Variants in TMED1 observed in about 807,000 individuals in gnomAD.
TMED1 encodes the protein transmembrane p24 trafficking protein 1, also known as transmembrane emp24 domain-containing protein 1.
A neutral mutation model predicts 21.2 loss-of-function variants in TMED1; 20 were observed. The observed-to-expected ratio is 0.95, with a 90% CI of 0.67 to 1.37. TMED1 has a LOEUF of 1.37. Ranked by LOEUF, TMED1 falls within the 40% of genes most tolerant of loss-of-function variation. The pLI is 0.00. For missense variants in TMED1, 316 were observed against 309.8 expected (o/e 1.02, Z -0.15); for synonymous variants, 149 against 134.7 (o/e 1.11, Z -0.74).
chr19:10,833,025 G>A lies in TMED1; in HGVS notation c.654C>T (p.Phe218=). Residue 218 remains phenylalanine, a synonymous_variant, in exon 4 of 4, where the codon TTC becomes TTT. Transcript: ENST00000214869. ...AVLQVCTLKR[F]FQDKRPVPT is the part of the protein sequence containing the mutation. Reference sequence around the variant, plus strand: ...TGGGCACCGGGCGCTTGTCCTGGAAGAAGCGCTTGAGCGTGCAGACCTGCA... The same window carrying A: ...TGGGCACCGGGCGCTTGTCCTGGAAAAAGCGCTTGAGCGTGCAGACCTGCA... 2.5e-6 allele frequency: 4 copies of A among 1,613,654 alleles called. No homozygotes were observed. Among genetic ancestry groups the A allele is most frequent in the Non-Finnish European group, 2.5e-6 (3 of 1,180,038 alleles).
At chr19:10,835,651 C>T in intron 1 of TMED1, 1 of 1,404,612 alleles carries the variant, frequency 7.1e-7, no homozygotes, top group Non-Finnish European at 9.3e-7. Context: ...ATAGGCCCAG[C>T]CTTTTTCCTT....
intron 1 of TMED1, 88 bp downstream of exon 1, chr19:10,835,921 C>A: frequency 1.4e-6 from 2 of 1,470,098 alleles, no homozygotes; most frequent in Non-Finnish European, 1.8e-6. Flanking sequence ...GATTCCTCCC[C>A]CTTCCTCCTA....
chr19:10,835,202 C>A, intron 2 of TMED1, 54 bp downstream of exon 2: 1 of 1,612,654 alleles, frequency 6.2e-7, no homozygotes, highest in South Asian at 1.1e-5. Flanking sequence ...CTGAGGCCGC[C>A]TGGGAAGGGC....
Position 10,832,235 on chromosome 19 carries a change from G to A in TMED1, c.*760C>T. 8.0e-7 allele frequency: 1 copy of A among 1,255,974 alleles called. No homozygotes were observed. The highest frequency in any genetic ancestry group is 1.0e-6 in the Non-Finnish European group (1 of 958,104). The allele number at this position is 1,255,974 out of a possible 1,614,324, so 77.8% of individuals were successfully genotyped here. On this transcript the variant is annotated 3_prime_UTR_variant, in exon 4 of 4. Coordinates refer to ENST00000214869, the MANE Select transcript of TMED1 (RefSeq NM_006858.4). ...GGCCCTGCTTCTCTCACCTCGTGGGGAAGCCCAAGCCTCGTGGCCCAACTG... is the reference window on the plus strand; with the variant it reads ...GGCCCTGCTTCTCTCACCTCGTGGGAAAGCCCAAGCCTCGTGGCCCAACTG...
intron 3 of TMED1, among the ~76,000 whole-genome samples, chr19:10,834,063 G>A (rs955259530): frequency 6.6e-6 from 1 of 152,204 alleles, no homozygotes; most frequent in African/African-American, 2.4e-5. Context: ...AGGAGGCTGA[G>A]GCAGGAGAAT....
At chr19:10,833,329 A>T (rs1479877780) in intron 3 of TMED1, 116 bp from the exon 4 acceptor site, 1 of 822,454 alleles carries the variant, frequency 1.2e-6, no homozygotes, top group Non-Finnish European at 1.9e-6. Flanking sequence ...GTACAGCTGC[A>T]AACACAGACT....
intron 1 of TMED1, 32 bp downstream of exon 1, chr19:10,835,977 C>G (rs368926298): frequency 6.5e-7 from 1 of 1,546,442 alleles, no homozygotes; most frequent in Admixed American, 2.0e-5. Flanking sequence ...CTCTCCCTGA[C>G]TCTGCTGGCC....
At position 10,832,883 on chromosome 19, in the gene TMED1, A is replaced by G. The variant is rs1402435625; in HGVS notation, c.*112T>C. On this transcript the variant is annotated 3_prime_UTR_variant, in exon 4 of 4. Coordinates refer to ENST00000214869, the MANE Select transcript of TMED1 (RefSeq NM_006858.4). ...TCATGGGGCCAGACCGCAGGCCCTG[A>G]CTGCACACTCCCGTTTTGGCAGGAA... 1.6e-6 allele frequency: 2 copies of G among 1,241,150 alleles called. No individual in the cohort carries two copies. Among genetic ancestry groups the G allele is most frequent in the African/African-American group, 3.0e-5 (2 of 67,672 alleles). The allele number at this position is 1,241,150 out of a possible 1,614,324, so 76.9% of individuals were successfully genotyped here.
chr19:10,835,970 T>C (rs757767490), intron 1 of TMED1, 39 bp downstream of exon 1: 3 of 1,538,482 alleles, frequency 1.9e-6, no homozygotes, highest in East Asian at 2.4e-5. Context: ...ACGCCCCCTC[T>C]CCCTGACTCT....
At position 10,832,468 on chromosome 19, in the gene TMED1, A is replaced by G. The variant is rs1292964926; in HGVS notation, c.*527T>C. ...TTCTGACCATAATTTATTGACTCCA[A>G]TGCCCAGGCCACACCACCCTTTGTT... On this transcript the variant is annotated 3_prime_UTR_variant, in exon 4 of 4. Transcript: ENST00000214869. The G allele has an allele frequency of 9.5e-6, 8 of 838,064 alleles. No homozygotes were observed. Among genetic ancestry groups the G allele is most frequent in the African/African-American group, 7.1e-5 (4 of 56,580 alleles). 51.9% of individuals were successfully genotyped at this position (838,064 alleles called of 1,614,324 possible). A position where few individuals can be genotyped will look rare whatever the true frequency, so the allele number is the denominator to read the frequency against.
At chr19:10,834,771 G>A (rs531283118) in intron 3 of TMED1, 163 bp downstream of exon 3, 14 of 860,052 alleles carry the variant, frequency 1.6e-5, no homozygotes, top group East Asian at 1.3e-4. Flanking sequence ...GTGAGCCACC[G>A]TGCCCGGCCT....
At position 10,832,744 on chromosome 19, in the gene TMED1, G is replaced by A. The variant is rs902379525; in HGVS notation, c.*251C>T. ...AGGGGCCAGGAAATCCGAGGCTCAC[G>A]TTCCAACGCTGCAGTGCCCACCATG... On this transcript the variant is annotated 3_prime_UTR_variant, in exon 4 of 4. Coordinates refer to ENST00000214869, the MANE Select transcript of TMED1 (RefSeq NM_006858.4). 7 of 600,062 alleles carry A rather than the reference G, an allele frequency of 1.2e-5. No individual in the cohort carries two copies. The highest frequency in any genetic ancestry group is 6.2e-5 in the South Asian group (3 of 48,584). The allele number at this position is 600,062 out of a possible 1,614,324, so 37.2% of individuals were successfully genotyped here.
chr19:10,835,751 CCT>C, intron 1 of TMED1: 7 of 1,416,022 alleles, frequency 4.9e-6, no homozygotes, highest in Non-Finnish European at 6.4e-6. Flanking sequence ...AGAGTCCTGT[CCT>C]CTCAGAGGCT....
At chr19:10,835,814 C>G in intron 1 of TMED1, 195 bp downstream of exon 1, 1 of 983,920 alleles carries the variant, frequency 1.0e-6, no homozygotes, top group Non-Finnish European at 1.2e-6. Flanking sequence ...ACTCTAGCCC[C>G]GCCTGCTTCA....
In TMED1 at chr19:10,832,258, C is replaced by A. The variant is rs1467844474; in HGVS notation, c.*737G>T. The stretch of plus-strand genomic sequence containing the variant: ...GGGAAGCCCAAGCCTCGTGGCCCAA[C>A]TGGGGCTCAGTTAAACTTTGCTTTC... On this transcript the variant is annotated 3_prime_UTR_variant, in exon 4 of 4. Transcript: ENST00000214869. 3.1e-6 allele frequency: 4 copies of A among 1,288,134 alleles called. No homozygotes were observed. The Admixed American group carries it at 9.2e-5, about 30-fold the overall frequency. The allele number at this position is 1,288,134 out of a possible 1,614,324, so 79.8% of individuals were successfully genotyped here. A position where few individuals can be genotyped will look rare whatever the true frequency, so the allele number is the denominator to read the frequency against.
At chr19:10,834,546 G>C (rs914783173) in intron 3 of TMED1, among the ~76,000 whole-genome samples, 2 of 141,486 alleles carry the variant, frequency 1.4e-5, no homozygotes, top group Non-Finnish European at 1.5e-5. Context: ...TGCAACCTCT[G>C]CCTCCCAGGT....
chr19:10,836,180 G>A lies in TMED1; in HGVS notation c.12C>T (p.Ala4=). The A allele has an allele frequency of 4.5e-6, 7 of 1,551,744 alleles. No individual in the cohort carries two copies. Among genetic ancestry groups the A allele is most frequent in the East Asian group, 2.4e-5 (1 of 41,620 alleles). ...ACAAGGCCAGGGCTAGGGCCGCGCCGGCCGCCATCATCCGGGTCACCCTCT... is the reference window on the plus strand; with the variant it reads ...ACAAGGCCAGGGCTAGGGCCGCGCCAGCCGCCATCATCCGGGTCACCCTCT... The part of the protein sequence containing the change: MMA[A]GAALALALWL... Residue 4 remains alanine (A), a synonymous_variant, in exon 1 of 4, where the codon GCC becomes GCT. Coordinates refer to ENST00000214869, the MANE Select transcript of TMED1 (RefSeq NM_006858.4).
chr19:10,835,449 C>T, intron 1 of TMED1, 96 bp from the exon 2 acceptor site: 1 of 1,556,304 alleles, frequency 6.4e-7, no homozygotes, highest in Non-Finnish European at 8.7e-7. Flanking sequence ...CAATACAGAC[C>T]ACCAAGGGCT....
At position 10,832,857 on chromosome 19, in the gene TMED1, C is replaced by CT. The variant is rs757950336; in HGVS notation, c.*137dup. 3.2e-4 allele frequency: 306 copies of CT among 949,746 alleles called. No individual in the cohort carries two copies. Among genetic ancestry groups the CT allele is most frequent in the Non-Finnish European group, 4.4e-4 (280 of 636,136 alleles). The allele number at this position is 949,746 out of a possible 1,614,324, so 58.8% of individuals were successfully genotyped here. On this transcript the variant is annotated 3_prime_UTR_variant, in exon 4 of 4. Transcript: ENST00000214869. ...CCTGCCCGCTGAGGACGGAAGGAGA[C>CT]TCATGGGGCCAGACCGCAGGCCCTG...
Sources: allele counts gnomAD v4.1 joint callset (sites outside exome capture counted in the v4.1 genomes callset), GRCh38; gene constraint gnomAD v4.1.1; transcripts MANE v1.5; gene names NCBI Gene and HGNC (gene_info 2026-07-23, HGNC 2026-07-21).